The following MAGI2 variants were observed in gnomAD, a reference collection of about 807,000 sequenced individuals.
The protein encoded by MAGI2 is membrane associated guanylate kinase, WW and PDZ domain containing 2, also known as membrane-associated guanylate kinase, WW and PDZ domain-containing protein 2.
A neutral mutation model predicts 133.3 loss-of-function variants in MAGI2; 35 were observed. The observed-to-expected ratio is 0.26, with a 90% CI of 0.20 to 0.35. The LOEUF (loss-of-function observed/expected upper bound fraction) is 0.35. MAGI2 is among the 10% of genes least tolerant of loss of function. The pLI, the probability that MAGI2 is intolerant of heterozygous loss-of-function variation, is 1.00. For synonymous variants in MAGI2, 729 were observed against 710.6 expected (o/e 1.03, Z -0.41); for missense variants, 1,636 against 1,863.4 (o/e 0.88, Z 2.25).
intron 2 of MAGI2, among the ~76,000 whole-genome samples, chr7:78,871,109 G>T (rs1016036718): frequency 2.6e-5 from 4 of 152,114 alleles, no homozygotes; most frequent in Non-Finnish European, 5.9e-5. Flanking sequence ...AGGAGATCGA[G>T]ATCATCTTGG....
chr7:78,288,252 CAATGT>C (rs781559795), intron 9 of MAGI2, among the ~76,000 whole-genome samples: 2 of 152,024 alleles, frequency 1.3e-5, no homozygotes, highest in Non-Finnish European at 2.9e-5. Flanking sequence ...TTTAACATGA[CAATGT>C]AATAATAAGC....
At chr7:78,331,870 A>G (rs1025955388) in intron 9 of MAGI2, among the ~76,000 whole-genome samples, 1 of 152,218 alleles carries the variant, frequency 6.6e-6, no homozygotes, top group Admixed American at 6.5e-5. Context: ...ATTAATATAA[A>G]TATTTTGTGC....
chr7:79,207,078 T>C (rs573378076), intron 1 of MAGI2, among the ~76,000 whole-genome samples: 2 of 151,962 alleles, frequency 1.3e-5, no homozygotes, highest in Non-Finnish European at 2.9e-5. Context: ...CGTAACACAA[T>C]AAGGGCCATA....
intron 2 of MAGI2, among the ~76,000 whole-genome samples, chr7:78,678,836 CTT>C (rs930760204): frequency 6.6e-6 from 1 of 152,010 alleles, no homozygotes; most frequent in African/African-American, 2.4e-5. Context: ...TTCATTGTCT[CTT>C]GTTTTATTTT....
At chr7:78,690,714 T>C (rs1349106433) in intron 2 of MAGI2, among the ~76,000 whole-genome samples, 1 of 152,216 alleles carries the variant, frequency 6.6e-6, no homozygotes, top group African/African-American at 2.4e-5. Flanking sequence ...TCATTGACCA[T>C]AAGAGTAAAA....
Position 79,319,254 on chromosome 7 carries a change from T to C in MAGI2, c.301+133766A>G, listed in dbSNP as rs144001201. 1.9e-4 allele frequency among the ~76,000 whole-genome samples: 29 copies of C among 152,286 alleles called. No homozygotes were observed. In the East Asian group the frequency reaches 5.6e-3, roughly 29 times the overall value. On this transcript the variant is annotated intron_variant, in intron 1 of 21. Transcript: ENST00000354212. ...ATAAAGTCACCTAGAAAGAGGACAC[T>C]AACACATACAAATGCTTGAGTGAAT...
chr7:78,033,472 C>CAAAAAAAAAAAAAAAAAAAAAAAAAAAAA (rs199985014), intron 21 of MAGI2, among the ~76,000 whole-genome samples: 1 of 132,392 alleles, frequency 7.6e-6, no homozygotes. Flanking sequence ...GAGCTTGTCT[C>CAAAAAAAAAAAAAAAAAAAAAAAAAAAAA]AAAAAAAAAA....
chr7:78,277,932 A>C (rs1452618512), intron 9 of MAGI2, among the ~76,000 whole-genome samples: 1 of 152,122 alleles, frequency 6.6e-6, no homozygotes, highest in Non-Finnish European at 1.5e-5. Context: ...AAAGAGGAGG[A>C]GGAATTGGGA....
intron 2 of MAGI2, among the ~76,000 whole-genome samples, chr7:78,923,087 A>T (rs921207205): frequency 6.6e-6 from 1 of 151,954 alleles, no homozygotes; most frequent in Non-Finnish European, 1.5e-5. Flanking sequence ...TAGATTCTGG[A>T]TATTAGCCCT....
chr7:78,582,050 G>A (rs1309310292), intron 3 of MAGI2, among the ~76,000 whole-genome samples: 1 of 152,174 alleles, frequency 6.6e-6, no homozygotes, highest in Non-Finnish European at 1.5e-5. Flanking sequence ...AGCAGAAAAG[G>A]GGTAAGGGGA....
At chr7:78,154,401 G>T (rs1420883061) in intron 16 of MAGI2, among the ~76,000 whole-genome samples, 1 of 152,230 alleles carries the variant, frequency 6.6e-6, no homozygotes, top group African/African-American at 2.4e-5. Flanking sequence ...CCAGCAGCGT[G>T]CTGACCAGTG....
chr7:79,104,720 GA>G (rs1252189610), intron 1 of MAGI2, among the ~76,000 whole-genome samples: 1 of 151,576 alleles, frequency 6.6e-6, no homozygotes, highest in African/African-American at 2.4e-5. Context: ...GAAAAGAAAA[GA>G]AAAAAAGGCT....
At chr7:78,402,752 G>C (rs1380670967) in intron 6 of MAGI2, among the ~76,000 whole-genome samples, 1 of 152,088 alleles carries the variant, frequency 6.6e-6, no homozygotes, top group African/African-American at 2.4e-5. Context: ...AATTACAAAT[G>C]AATATTATTA....
intron 6 of MAGI2, among the ~76,000 whole-genome samples, chr7:78,372,685 T>C (rs1190457778): frequency 6.6e-6 from 1 of 152,152 alleles, no homozygotes; most frequent in Non-Finnish European, 1.5e-5. Flanking sequence ...CATGAAAAAG[T>C]CTAGATTAAT....
intron 9 of MAGI2, among the ~76,000 whole-genome samples, chr7:78,320,801 G>T (rs373819119): frequency 2.6e-5 from 4 of 152,024 alleles, no homozygotes; most frequent in African/African-American, 7.3e-5. Flanking sequence ...AGAAACAAAG[G>T]GTATTCAAAT....
At chr7:79,140,618 A>G (rs963420345) in intron 1 of MAGI2, among the ~76,000 whole-genome samples, 1 of 152,222 alleles carries the variant, frequency 6.6e-6, no homozygotes, top group Admixed American at 6.5e-5. Flanking sequence ...AAGTCAAAAT[A>G]GCACAATGAT....
intron 6 of MAGI2, among the ~76,000 whole-genome samples, chr7:78,389,566 G>A (rs1795710918): frequency 6.6e-6 from 1 of 152,156 alleles, no homozygotes; most frequent in Admixed American, 6.5e-5. Context: ...TCTCAGAAGA[G>A]CAACCCTAGA....
At chr7:78,921,841 C>T (rs1308488651) in intron 2 of MAGI2, among the ~76,000 whole-genome samples, 1 of 152,168 alleles carries the variant, frequency 6.6e-6, no homozygotes, top group East Asian at 1.9e-4. Context: ...CCATGTTGGC[C>T]AGGCTGGTCT....
intron 2 of MAGI2, among the ~76,000 whole-genome samples, chr7:78,773,941 T>A (rs553613136): frequency 6.6e-6 from 1 of 152,242 alleles, no homozygotes; most frequent in African/African-American, 2.4e-5. Flanking sequence ...CAAACTTTCC[T>A]AATTATAAGA....
Sources: allele counts gnomAD v4.1 joint callset (sites outside exome capture counted in the v4.1 genomes callset), GRCh38; gene constraint gnomAD v4.1.1; transcripts MANE v1.5; gene names NCBI Gene and HGNC (gene_info 2026-07-23, HGNC 2026-07-21).